Variants in STRA6 observed in about 807,000 individuals in gnomAD.
STRA6 encodes the protein signaling receptor and transporter of retinol STRA6.
In STRA6, 48 loss-of-function variants were observed where a neutral mutation model predicts 83.6. That is an observed-to-expected ratio of 0.57 (90% confidence interval 0.46 to 0.73). The LOEUF is 0.73. Among genes scored for constraint, STRA6 ranks in the 30% least tolerant of loss-of-function variants. STRA6 has a pLI of 0.00. For synonymous variants in STRA6, 353 were observed against 362.3 expected, an observed-to-expected ratio of 0.97 and a Z score of 0.29; for missense variants, 760 against 838.8, an observed-to-expected ratio of 0.91 and a Z score of 1.16.
At chr15:74,183,736 A>G (rs1321072996) in intron 14 of STRA6, 120 bp downstream of exon 14, 25 of 1,597,866 alleles carry the variant, frequency 1.6e-5, no homozygotes, top group Non-Finnish European at 2.1e-5. Flanking sequence ...CTGCTGCCCC[A>G]GAGCATTCCC....
intron 3 of STRA6, 129 bp from the exon 4 acceptor site, chr15:74,197,552 G>A: frequency 1.8e-6 from 2 of 1,081,646 alleles, no homozygotes; most frequent in Non-Finnish European, 2.8e-6. Flanking sequence ...ACATCTTGGG[G>A]ACTGGTCAAG....
In STRA6 at chr15:74,180,090, G is replaced by T. The variant is rs762100127; in HGVS notation, c.1994C>A (p.Ala665Asp). 7 of 1,613,108 alleles carry T rather than the reference G, an allele frequency of 4.3e-6. No homozygotes were observed. Among genetic ancestry groups the T allele is most frequent in the Non-Finnish European group, 5.9e-6 (7 of 1,179,292 alleles). ...TGACCTTCCCTGCCCTCAGGGCTGG[G>T]CACCATTGGCACCCAACAGGGCCGT... ...RKTALLGANG[A>D]QP The change falls in exon 19 of 19, where the codon GCC (alanine) becomes GAC (aspartate). Residue 665 changes from alanine to aspartate, a missense_variant. By Grantham distance (126) the Ala-to-Asp change is moderately radical. Transcript: ENST00000395105.
chr15:74,186,544 G>T (rs2073254192), intron 12 of STRA6, among the ~76,000 whole-genome samples: 1 of 152,216 alleles, frequency 6.6e-6, no homozygotes. Flanking sequence ...AGAGACGGAG[G>T]TTGCAGTGAG....
At chr15:74,184,316 G>A (rs1439770067) in intron 13 of STRA6, among the ~76,000 whole-genome samples, 1 of 152,218 alleles carries the variant, frequency 6.6e-6, no homozygotes, top group African/African-American at 2.4e-5. Flanking sequence ...GCAAGCACAG[G>A]CTGAGGAGCC....
chr15:74,202,810 T>C (rs886051477), upstream of STRA6: 2 of 1,104,412 alleles, frequency 1.8e-6, no homozygotes, highest in Non-Finnish European at 2.2e-6. Flanking sequence ...CCAGCTGGGC[T>C]CCCTTGAGCC....
chr15:74,199,096 G>A (rs1420878860), intron 2 of STRA6, among the ~76,000 whole-genome samples: 1 of 152,198 alleles, frequency 6.6e-6, no homozygotes, highest in Non-Finnish European at 1.5e-5. Context: ...GGTGGGCGAG[G>A]GCCTGAGATG....
intron 7 of STRA6, 152 bp from the exon 8 acceptor site, chr15:74,194,074 C>G: frequency 8.0e-7 from 1 of 1,249,180 alleles, no homozygotes; most frequent in Non-Finnish European, 1.1e-6. Flanking sequence ...AACCTGCCAC[C>G]CAGCGCAAAC....
intron 12 of STRA6, among the ~76,000 whole-genome samples, chr15:74,186,131 A>C (rs2073235775): frequency 6.6e-6 from 1 of 152,182 alleles, no homozygotes; most frequent in South Asian, 2.1e-4. Flanking sequence ...GTTAAATCAG[A>C]ATTTCTGTGG....
At chr15:74,186,425 T>A (rs1019580709) in intron 12 of STRA6, among the ~76,000 whole-genome samples, 1 of 152,202 alleles carries the variant, frequency 6.6e-6, no homozygotes, top group Non-Finnish European at 1.5e-5. Context: ...CTGACCAATA[T>A]GGTGAAACTC....
upstream of STRA6, chr15:74,207,715 T>C: frequency 2.0e-6 from 3 of 1,535,726 alleles, no homozygotes; most frequent in Non-Finnish European, 1.7e-6. Context: ...CCCAGTCCCC[T>C]TGAGAGTCCA....
intron 4 of STRA6, 24 bp downstream of exon 4, chr15:74,197,314 G>A: frequency 6.5e-7 from 1 of 1,539,040 alleles, no homozygotes; most frequent in Non-Finnish European, 8.8e-7. Context: ...CCCTGAGTGG[G>A]GGTGCCCAGG....
chr15:74,197,851 C>A (rs943211050), intron 2 of STRA6, 33 bp from the exon 3 acceptor site: 2 of 1,608,794 alleles, frequency 1.2e-6, no homozygotes, highest in Non-Finnish European at 8.5e-7. Context: ...CTCAGGCCTG[C>A]GTCAGGCCCC....
intron 7 of STRA6, chr15:74,194,359 G>A: frequency 9.4e-7 from 1 of 1,069,210 alleles, no homozygotes; most frequent in Non-Finnish European, 1.1e-6. Flanking sequence ...CTTCCTGGGG[G>A]TGGGCTTTTT....
chr15:74,183,719 C>T, intron 14 of STRA6, 137 bp downstream of exon 14: 2 of 1,590,318 alleles, frequency 1.3e-6, no homozygotes, highest in South Asian at 1.1e-5. Flanking sequence ...GGGGTCCCTC[C>T]TTCTTGCTGC....
rs528985571 is a variant in STRA6, at chr15:74,202,341, G to C, written c.-15-59C>G. On this transcript the variant is annotated intron_variant, in intron 1 of 18. Coordinates refer to ENST00000395105, the MANE Select transcript of STRA6 (RefSeq NM_022369.4). The stretch of plus-strand genomic sequence containing the variant: ...TACAGATGTGAAAAGAGGCTTAAAA[G>C]AGAAAAAAAAAGAAAGAAAGACGGA... 3.7e-4 allele frequency: 585 copies of C among 1,570,566 alleles called. 5 individuals carry two copies. In the African/African-American group the frequency reaches 7.4e-3, roughly 20 times the overall value.
chr15:74,184,440 C>T (rs182665142), intron 13 of STRA6, among the ~76,000 whole-genome samples: 190 of 152,296 alleles, frequency 1.2e-3, no homozygotes, highest in Non-Finnish European at 2.3e-3. Context: ...GGTAAGTGCT[C>T]GGGCTGCCCC....
At chr15:74,192,178 G>A (rs926891007) in intron 8 of STRA6, among the ~76,000 whole-genome samples, 1 of 152,204 alleles carries the variant, frequency 6.6e-6, no homozygotes, top group Non-Finnish European at 1.5e-5. Flanking sequence ...AAAGTCCAAA[G>A]AGGATTGTAC....
chr15:74,183,928 G>A lies in STRA6; in HGVS notation c.1228C>T (p.Pro410Ser). Residue 410 changes from proline to serine, a missense_variant, in exon 14 of 19, where the codon CCC becomes TCC. Pro to Ser is a moderately conservative substitution (Grantham distance 74). Coordinates refer to ENST00000395105, the MANE Select transcript of STRA6 (RefSeq NM_022369.4). ...AATATGGCTTGGCGGGAGGGATGGGGACTCCGATGCAAGGGACTCAAGTCC... is the reference window on the plus strand; with the variant it reads ...AATATGGCTTGGCGGGAGGGATGGGAACTCCGATGCAAGGGACTCAAGTCC... Reference protein sequence around the residue: ...ALDLSPLHRSPHPSRQAIFCW... With the variant: ...ALDLSPLHRSSHPSRQAIFCW... The A allele has an allele frequency of 6.2e-7, 1 of 1,613,952 alleles. No individual in the cohort carries two copies. Among genetic ancestry groups the A allele is most frequent in the South Asian group, 1.1e-5 (1 of 91,084 alleles).
chr15:74,191,978 C>T, intron 8 of STRA6: 1 of 207,236 alleles, frequency 4.8e-6, no homozygotes, highest in Non-Finnish European at 9.8e-6. Flanking sequence ...TTGTCTAAGC[C>T]ACATTCCAGG....
Sources: allele counts gnomAD v4.1 joint callset (sites outside exome capture counted in the v4.1 genomes callset), GRCh38; gene constraint gnomAD v4.1.1; transcripts MANE v1.5; gene names NCBI Gene and HGNC (gene_info 2026-07-23, HGNC 2026-07-21).